Variants in UBE2E3 observed in about 807,000 individuals in gnomAD.
UBE2E3 encodes the protein ubiquitin conjugating enzyme E2 E3.
Under a neutral mutation model 23.6 loss-of-function variants are expected in UBE2E3, and 5 were observed. The ratio of observed to expected loss-of-function variants is 0.21; its 90% CI spans 0.11 to 0.44. The LOEUF is 0.44. Ranked by LOEUF, UBE2E3 falls within the 20% of genes least tolerant of loss-of-function variation. The pLI is 0.99. For synonymous variants in UBE2E3, 78 were observed against 87.5 expected, an observed-to-expected ratio of 0.89 and a Z score of 0.60; for missense variants, 81 against 249.8, an observed-to-expected ratio of 0.32 and a Z score of 4.55.
At chr2:181,009,751 A>C (rs1685261386) in intron 3 of UBE2E3, among the ~76,000 whole-genome samples, 1 of 152,126 alleles carries the variant, frequency 6.6e-6, no homozygotes, top group Non-Finnish European at 1.5e-5. Context: ...TGTAAAGTAC[A>C]AGCTAAGACT....
intron 3 of UBE2E3, among the ~76,000 whole-genome samples, chr2:180,988,919 C>T (rs1001318891): frequency 3.3e-5 from 5 of 152,082 alleles, no homozygotes; most frequent in African/African-American, 1.2e-4. Flanking sequence ...AAAAAAAGGT[C>T]CTGGAACCCG....
intron 3 of UBE2E3, among the ~76,000 whole-genome samples, chr2:181,044,348 A>G (rs1027728724): frequency 6.6e-6 from 1 of 152,166 alleles, no homozygotes; most frequent in African/African-American, 2.4e-5. Flanking sequence ...ATAGGATGAA[A>G]TCTCTAAGCG....
At chr2:180,985,088 TA>T (rs1482854678) in intron 3 of UBE2E3, among the ~76,000 whole-genome samples, 2 of 152,180 alleles carry the variant, frequency 1.3e-5, no homozygotes, top group African/African-American at 4.8e-5. Context: ...TAATAGGGTA[TA>T]ATCCAGTTGC....
intron 3 of UBE2E3, among the ~76,000 whole-genome samples, chr2:181,023,465 A>T (rs530618488): frequency 6.6e-6 from 1 of 152,252 alleles, no homozygotes; most frequent in Admixed American, 6.5e-5. Context: ...TAATGCTTTC[A>T]CCTTTCATTT....
intron 3 of UBE2E3, among the ~76,000 whole-genome samples, chr2:181,036,177 A>C (rs1045904525): frequency 1.3e-5 from 2 of 152,218 alleles, no homozygotes; most frequent in Non-Finnish European, 2.9e-5. Context: ...CTAGGTAAAC[A>C]TAGAGTAATC....
At chr2:181,017,636 A>G (rs899720386) in intron 3 of UBE2E3, among the ~76,000 whole-genome samples, 1 of 83,518 alleles carries the variant, frequency 1.2e-5, no homozygotes, top group African/African-American at 4.4e-5. Context: ...CCTACTCTGG[A>G]CTCTTCCTTG....
intron 3 of UBE2E3, among the ~76,000 whole-genome samples, chr2:181,037,628 C>T (rs1011080082): frequency 9.2e-5 from 14 of 152,036 alleles, no homozygotes; most frequent in African/African-American, 3.4e-4. Context: ...GTTTTAAGCT[C>T]AGTGTTACTA....
intron 3 of UBE2E3, among the ~76,000 whole-genome samples, chr2:181,008,200 T>A (rs901258535): frequency 2.0e-5 from 3 of 152,192 alleles, no homozygotes; most frequent in South Asian, 2.1e-4. Flanking sequence ...GCTTATGATG[T>A]TTTGTTTCTT....
At chr2:181,049,014 G>A (rs965335431) in intron 3 of UBE2E3, among the ~76,000 whole-genome samples, 1 of 152,024 alleles carries the variant, frequency 6.6e-6, no homozygotes, top group East Asian at 1.9e-4. Context: ...GTAGAACTCA[G>A]CTGAGAGAAT....
At chr2:181,034,863 T>C (rs60513343) in intron 3 of UBE2E3, among the ~76,000 whole-genome samples, 35,311 of 152,042 alleles carry the variant, frequency 0.23, 4,466 homozygotes, top group Non-Finnish European at 0.28. Context: ...AGAAAAAAAT[T>C]AGAATTTGAA....
intron 3 of UBE2E3, among the ~76,000 whole-genome samples, chr2:181,021,372 T>A: frequency 7.3e-6 from 1 of 137,250 alleles, no homozygotes; most frequent in East Asian, 2.2e-4. Flanking sequence ...TTTTTTGTTT[T>A]CTTTTCTTTT....
chr2:181,037,194 A>C (rs540669120), intron 3 of UBE2E3, among the ~76,000 whole-genome samples: 80 of 152,306 alleles, frequency 5.3e-4, no homozygotes, highest in African/African-American at 1.9e-3. Flanking sequence ...TTGTGCTGCC[A>C]GCAAATATAA....
chr2:181,017,168 G>T (rs1195534142), intron 3 of UBE2E3, among the ~76,000 whole-genome samples: 6 of 151,886 alleles, frequency 4.0e-5, no homozygotes, highest in Non-Finnish European at 2.9e-5. Flanking sequence ...TGGGGAGAAG[G>T]TTAAAGCCTG....
intron 3 of UBE2E3, among the ~76,000 whole-genome samples, chr2:180,988,523 T>G (rs926967703): frequency 6.6e-6 from 1 of 152,170 alleles, no homozygotes; most frequent in Non-Finnish European, 1.5e-5. Flanking sequence ...AGATGAGTAA[T>G]GATTATATTT....
chr2:180,990,801 C>T (rs1279162372), intron 3 of UBE2E3, among the ~76,000 whole-genome samples: 1 of 152,100 alleles, frequency 6.6e-6, no homozygotes, highest in Non-Finnish European at 1.5e-5. Flanking sequence ...TTGAATTACA[C>T]ACAGGTTAGA....
chr2:181,026,350 A>C (rs1265438562), intron 3 of UBE2E3, among the ~76,000 whole-genome samples: 1 of 151,758 alleles, frequency 6.6e-6, no homozygotes, highest in Non-Finnish European at 1.5e-5. Flanking sequence ...ATAATGAATA[A>C]ACCCTAGGTA....
intron 3 of UBE2E3, among the ~76,000 whole-genome samples, chr2:181,011,752 G>T (rs761273082): frequency 2.6e-5 from 4 of 152,070 alleles, no homozygotes; most frequent in Non-Finnish European, 5.9e-5. Context: ...ATAGAAATTG[G>T]ATCATACCAT....
chr2:181,051,137 A>G (rs1686834559), intron 3 of UBE2E3, among the ~76,000 whole-genome samples: 2 of 151,888 alleles, frequency 1.3e-5, no homozygotes, highest in African/African-American at 4.8e-5. Flanking sequence ...GTATGCATTC[A>G]TAAACAATAT....
At chr2:181,026,214 T>C (rs535999157) in intron 3 of UBE2E3, among the ~76,000 whole-genome samples, 1 of 151,932 alleles carries the variant, frequency 6.6e-6, no homozygotes, top group Non-Finnish European at 1.5e-5. Context: ...TGATTGAAGC[T>C]AATACTTTAG....
Sources: gnomAD v4.1 joint callset for allele counts (sites outside exome capture counted in the v4.1 genomes callset) on GRCh38, gnomAD v4.1.1 for gene constraint, MANE v1.5 for transcripts, NCBI Gene and HGNC (gene_info 2026-07-23, HGNC 2026-07-21) for gene names.